PPP6R1: variants seen among roughly 807,000 people sequenced by gnomAD.
The protein encoded by PPP6R1 is protein phosphatase 6 regulatory subunit 1, also known as serine/threonine-protein phosphatase 6 regulatory subunit 1.
Under a neutral mutation model 104.6 loss-of-function variants are expected in PPP6R1, and 39 were observed. The ratio of observed to expected loss-of-function variants is 0.37; its 90% CI spans 0.29 to 0.49. The LOEUF (loss-of-function observed/expected upper bound fraction) is 0.49. Ranked by LOEUF, PPP6R1 falls within the 20% of genes least tolerant of loss-of-function variation. PPP6R1 has a pLI of 0.98. For synonymous variants in PPP6R1, 549 were observed against 479.0 expected (o/e 1.15, Z -1.91); for missense variants, 1,181 against 1,155.8 (o/e 1.02, Z -0.32).
At chr19:55,232,990 A>C (rs1315905493) in intron 17 of PPP6R1, 5 of 152,208 alleles carry the variant, frequency 3.3e-5, no homozygotes, top group Non-Finnish European at 7.3e-5. Flanking sequence ...TATTGTTCCT[A>C]GACTACCGAC....
In PPP6R1 at chr19:55,246,946, T is replaced by C; in HGVS notation, c.158A>G (p.His53Arg). ...KLLDFLLQPP[H>R]LQAMVAWVTQ... Reference sequence around the variant, plus strand: ...GACCCAGGCCACCATTGCTTGCAGGTGGGGTGGCTGCAGCAGGAAGTCCAG... The same window carrying C: ...GACCCAGGCCACCATTGCTTGCAGGCGGGGTGGCTGCAGCAGGAAGTCCAG... The change falls in exon 2 of 24, where the codon CAC becomes CGC. Residue 53 changes from histidine (H) to arginine (R), a missense_variant. Physicochemically the swap from His to Arg is conservative, Grantham distance 29. Coordinates refer to ENST00000412770, the MANE Select transcript of PPP6R1 (RefSeq NM_014931.4). 1 of 1,613,730 alleles carries C rather than the reference T, an allele frequency of 6.2e-7. No homozygotes were observed. Among genetic ancestry groups the C allele is most frequent in the South Asian group, 1.1e-5 (1 of 91,082 alleles).
chr19:55,233,453 C>T (rs1004679818), intron 17 of PPP6R1, among the ~76,000 whole-genome samples: 3 of 152,132 alleles, frequency 2.0e-5, no homozygotes, highest in Non-Finnish European at 4.4e-5. Flanking sequence ...CTAGCCAGGG[C>T]AACCAGGCAA....
In PPP6R1 at chr19:55,229,783, A is replaced by G. The variant is rs2087322448; in HGVS notation, c.*745T>C. The G allele has an allele frequency of 6.6e-6, 1 of 152,516 alleles. No homozygotes were observed. The highest frequency in any genetic ancestry group is 2.4e-5 in the African/African-American group (1 of 41,470). 9.4% of individuals were successfully genotyped at this position (152,516 alleles called of 1,614,324 possible). On this transcript the variant is annotated 3_prime_UTR_variant, in exon 24 of 24. Transcript: ENST00000412770. ...CGTAAGGTCTGACCAGCAGAATCGTAAACTGCCTTCCTTTATTTATATTTG... is the reference window on the plus strand; with the variant it reads ...CGTAAGGTCTGACCAGCAGAATCGTGAACTGCCTTCCTTTATTTATATTTG...
At chr19:55,254,115 A>G (rs2087574562) in intron 1 of PPP6R1, among the ~76,000 whole-genome samples, 1 of 152,166 alleles carries the variant, frequency 6.6e-6, no homozygotes, top group Admixed American at 6.5e-5. Context: ...GAAAGACTCT[A>G]CCCATTTGCC....
Position 55,230,761 on chromosome 19 carries a change from C to A in PPP6R1, c.2570+13G>T. 1.5e-6 allele frequency: 2 copies of A among 1,334,974 alleles called. No homozygotes were observed. Among genetic ancestry groups the A allele is most frequent in the Non-Finnish European group, 2.1e-6 (2 of 967,794 alleles). The allele number at this position is 1,334,974 out of a possible 1,614,324, so 82.7% of individuals were successfully genotyped here. On this transcript the variant is annotated intron_variant, in intron 22 of 23. Coordinates refer to ENST00000412770, the MANE Select transcript of PPP6R1 (RefSeq NM_014931.4). ...CCACCCCCACCCCCCCGCCCTGCTG[C>A]CCTGGTGCTCACCTCTGGCTTTGGG...
chr19:55,242,667 A>G, intron 5 of PPP6R1, 179 bp from the exon 6 acceptor site: 1 of 614,836 alleles, frequency 1.6e-6, no homozygotes, highest in South Asian at 1.8e-5. Flanking sequence ...AAGATGGTGG[A>G]GAGAACAGGA....
In PPP6R1 at chr19:55,230,796, A is replaced by G. The variant is rs1242027274; in HGVS notation, c.2548T>C (p.Leu850=). 2.8e-6 allele frequency: 4 copies of G among 1,441,540 alleles called. No homozygotes were observed. In the Admixed American group the frequency reaches 5.6e-5, roughly 20 times the overall value. 89.3% of individuals were successfully genotyped at this position (1,441,540 alleles called of 1,614,324 possible). ...TTEGEKSPEP[L]GLPQSQSAQA... is the part of the protein sequence containing the mutation. ...CACCTCTGGCTTTGGGGAAGCCCCA[A>G]GGGCTCTGGGCTCTTCTCCCCTTCT... The change falls in exon 22 of 24, where the codon TTG becomes CTG. Residue 850 remains leucine (L), a synonymous_variant. Coordinates refer to ENST00000412770, the MANE Select transcript of PPP6R1 (RefSeq NM_014931.4).
At chr19:55,240,143 G>A (rs374352028) in intron 11 of PPP6R1, 29 bp from the exon 12 acceptor site, 3 of 1,563,098 alleles carry the variant, frequency 1.9e-6, no homozygotes, top group Non-Finnish European at 2.6e-6. Context: ...GCGGCTGCAA[G>A]CCAGGACTGG....
intron 5 of PPP6R1, among the ~76,000 whole-genome samples, chr19:55,243,228 C>G (rs1489326232): frequency 1.3e-5 from 2 of 151,904 alleles, no homozygotes; most frequent in Admixed American, 1.3e-4. Context: ...GCCTGGCCAA[C>G]ATGGTGAAAC....
At chr19:55,258,101 G>A (rs2087608220) in intron 1 of PPP6R1, among the ~76,000 whole-genome samples, 1 of 152,250 alleles carries the variant, frequency 6.6e-6, no homozygotes, top group African/African-American at 2.4e-5. Flanking sequence ...GACTCCTGGG[G>A]GGCCGGGGAA....
rs1404484021 is a variant in PPP6R1, at chr19:55,241,076, G to A, written c.1165C>T (p.Leu389Phe). 1.3e-6 allele frequency: 2 copies of A among 1,550,528 alleles called. No homozygotes were observed. The highest frequency in any genetic ancestry group is 2.7e-5 in the African/African-American group (2 of 72,986). The change falls in exon 10 of 24, where the codon CTC becomes TTC. Residue 389 changes from leucine (L) to phenylalanine (F), a missense_variant. Physicochemically the swap from Leu to Phe is conservative, Grantham distance 22. Transcript: ENST00000412770. This position sits in a 1 kb window ranked among gnomAD's most constrained non-coding sequence, Gnocchi z 5.4. ...TTGTTGAAGACATAATGGAAGAAGA[G>A]GTCCTATGGGAGGACACAGGATTGG... is the stretch of plus-strand genomic sequence containing the variant. ...ALDVPNTMLD[L>F]FFHYVFNNFL...
chr19:55,249,946 C>G (rs2087540356), intron 1 of PPP6R1, among the ~76,000 whole-genome samples: 1 of 152,220 alleles, frequency 6.6e-6, no homozygotes, highest in Admixed American at 6.5e-5. Context: ...CCTGCCCAGC[C>G]AGCTCACTGA....
intron 5 of PPP6R1, 194 bp from the exon 6 acceptor site, chr19:55,242,682 CG>C: frequency 1.7e-6 from 1 of 584,442 alleles, no homozygotes; most frequent in Non-Finnish European, 3.1e-6. Context: ...ACAGGAAGCC[CG>C]GAAGGCTCCC....
rs564914622 is a variant in PPP6R1 at position 55,239,764 on chromosome 19, C to T, written c.1563+62G>A. On this transcript the variant is annotated intron_variant, in intron 13 of 23. Coordinates refer to ENST00000412770, the MANE Select transcript of PPP6R1 (RefSeq NM_014931.4). ...GGCAGCTATCGGTGGCGGTGGGAGG[C>T]TAAGACTGGCCCAAGAGAGAGAAGC... 7.5e-6 allele frequency: 12 copies of T among 1,594,736 alleles called. No homozygotes were observed. In the African/African-American group the frequency reaches 1.6e-4, roughly 21 times the overall value.
intron 17 of PPP6R1, chr19:55,232,448 C>T (rs367915228): frequency 1.6e-5 from 8 of 495,694 alleles, no homozygotes; most frequent in East Asian, 3.5e-5. Flanking sequence ...GGAGACCGTC[C>T]GTCGCCAGTC....
At chr19:55,228,850 G>T, downstream of PPP6R1, 1 of 1,142,088 alleles carries the variant, frequency 8.8e-7, no homozygotes, top group Non-Finnish European at 1.3e-6. Flanking sequence ...TGTGGACTCT[G>T]TGACTGATAA....
In PPP6R1 at chr19:55,245,036, C is replaced by T. The variant is rs2087494240; in HGVS notation, c.618+84G>A. 6.5e-7 allele frequency: 1 copy of T among 1,548,540 alleles called. No individual in the cohort carries two copies. Among genetic ancestry groups the T allele is most frequent in the Admixed American group, 1.9e-5 (1 of 52,612 alleles). The stretch of plus-strand genomic sequence containing the variant: ...TACAGGCGTGAGCCACTGCGTCCAG[C>T]CCCAATTCCTCTTTTAAAAGTGGGG... On this transcript the variant is annotated intron_variant, in intron 5 of 23. Transcript: ENST00000412770. This position sits in a 1 kb window ranked among gnomAD's most constrained non-coding sequence, Gnocchi z 6.4.
intron 10 of PPP6R1, 37 bp downstream of exon 10, chr19:55,240,908 G>A (rs765762027): frequency 1.2e-5 from 19 of 1,595,548 alleles, no homozygotes; most frequent in Non-Finnish European, 1.5e-5. Context: ...ACAGGGGATG[G>A]GCCCAGAAGG....
Position 55,231,636 on chromosome 19 carries a change from T to C in PPP6R1, c.2339A>G (p.Gln780Arg). 6.2e-7 allele frequency: 1 copy of C among 1,611,238 alleles called. No individual in the cohort carries two copies. The change falls in exon 20 of 24, where the codon CAG (glutamine) becomes CGG (arginine). Residue 780 changes from glutamine to arginine, a missense_variant. Transcript: ENST00000412770. Reference protein sequence around the residue: ...SQDPTPPSAPQEATEGSKVTE... With the variant: ...SQDPTPPSAPREATEGSKVTE... ...GACTTTGCTGCCTTCTGTGGCTTCC[T>C]GAGGTGCTGAGGGGGGTGTGGGGTC...
Sources: allele counts gnomAD v4.1 joint callset (sites outside exome capture counted in the v4.1 genomes callset), GRCh38; gene constraint gnomAD v4.1.1; non-coding constraint Gnocchi (gnomAD v3.1); transcripts MANE v1.5; gene names NCBI Gene and HGNC (gene_info 2026-07-23, HGNC 2026-07-21).